Variants in TMEM132C observed in about 807,000 individuals in gnomAD.
TMEM132C encodes the protein protein phosphatase 1, regulatory subunit 152.
In TMEM132C, 29 loss-of-function variants were observed where a neutral mutation model predicts 61.4. The ratio of observed to expected loss-of-function variants is 0.47; its 90% CI spans 0.35 to 0.64. TMEM132C has a LOEUF of 0.64. TMEM132C is among the 30% of genes least tolerant of loss of function. The pLI is 0.00. For synonymous variants in TMEM132C, 656 were observed against 633.1 expected (o/e 1.04, Z -0.54); for missense variants, 1,408 against 1,476.9 (o/e 0.95, Z 0.76).
chr12:128,625,543 C>G lies in TMEM132C; in HGVS notation c.1305+9208C>G, dbSNP rs568285156. 2.0e-5 allele frequency among the ~76,000 whole-genome samples: 3 copies of G among 152,294 alleles called. No individual in the cohort carries two copies. The South Asian group carries it at 6.2e-4, about 32-fold the overall frequency. On this transcript the variant is annotated intron_variant, in intron 4 of 8. Transcript: ENST00000435159. ...TGGTGGAAGGCAAGGAGGAGCAAGTCACATCTTACATGGATGGTGGCAGGC... is the reference window on the plus strand; with the variant it reads ...TGGTGGAAGGCAAGGAGGAGCAAGTGACATCTTACATGGATGGTGGCAGGC...
intron 3 of TMEM132C, among the ~76,000 whole-genome samples, chr12:128,597,661 C>A (rs1447699126): frequency 6.6e-6 from 1 of 152,098 alleles, no homozygotes; most frequent in African/African-American, 2.4e-5. Flanking sequence ...CAACAGTGGC[C>A]AACACAGTTT....
intron 5 of TMEM132C, among the ~76,000 whole-genome samples, chr12:128,674,267 C>T (rs1954562666): frequency 6.6e-6 from 1 of 152,218 alleles, no homozygotes; most frequent in Admixed American, 6.5e-5. Context: ...AGCTCATCTA[C>T]ATGGTAGCAT....
At chr12:128,657,106 C>T (rs1954333363) in intron 4 of TMEM132C, among the ~76,000 whole-genome samples, 1 of 152,118 alleles carries the variant, frequency 6.6e-6, no homozygotes, top group South Asian at 2.1e-4. Context: ...AAAATTGGTT[C>T]TTTCTTTCTG....
At chr12:128,285,120 G>T (rs1484991556) in intron 1 of TMEM132C, among the ~76,000 whole-genome samples, 1 of 152,202 alleles carries the variant, frequency 6.6e-6, no homozygotes, top group Non-Finnish European at 1.5e-5. Context: ...TCCAGCATGG[G>T]AGACAGAACA....
intron 2 of TMEM132C, among the ~76,000 whole-genome samples, chr12:128,461,410 C>T (rs1352886652): frequency 8.1e-6 from 1 of 123,046 alleles, no homozygotes; most frequent in African/African-American, 3.0e-5. Flanking sequence ...TGTAGATCAC[C>T]ACCCCACCCC....
chr12:128,697,801 T>C (rs923921527), intron 8 of TMEM132C, among the ~76,000 whole-genome samples: 5 of 152,206 alleles, frequency 3.3e-5, no homozygotes, highest in African/African-American at 1.2e-4. Flanking sequence ...ACATAGCCCC[T>C]GGCTATATCT....
intron 3 of TMEM132C, among the ~76,000 whole-genome samples, chr12:128,612,037 G>T (rs1456048877): frequency 6.6e-6 from 1 of 152,218 alleles, no homozygotes; most frequent in Admixed American, 6.5e-5. Context: ...TGGAGAAGGG[G>T]TAGGAAAGAA....
At chr12:128,531,538 C>A (rs1873301573) in intron 2 of TMEM132C, among the ~76,000 whole-genome samples, 1 of 152,246 alleles carries the variant, frequency 6.6e-6, no homozygotes, top group African/African-American at 2.4e-5. Context: ...TTCACACATA[C>A]ACACATGCAT....
At chr12:128,646,612 A>C (rs1954201283) in intron 4 of TMEM132C, among the ~76,000 whole-genome samples, 1 of 151,076 alleles carries the variant, frequency 6.6e-6, no homozygotes, top group African/African-American at 2.4e-5. Flanking sequence ...TGTTTACTGG[A>C]GTCCATCAGC....
At chr12:128,460,634 A>C (rs1171882850) in intron 2 of TMEM132C, among the ~76,000 whole-genome samples, 1 of 152,090 alleles carries the variant, frequency 6.6e-6, no homozygotes, top group South Asian at 2.1e-4. Context: ...TTGTCACCAG[A>C]AAAAGGGAGA....
At chr12:128,579,403 G>T (rs906754746) in intron 3 of TMEM132C, among the ~76,000 whole-genome samples, 1 of 152,174 alleles carries the variant, frequency 6.6e-6, no homozygotes, top group Non-Finnish European at 1.5e-5. Flanking sequence ...CTGTCACTTT[G>T]TGAATATGTG....
intron 2 of TMEM132C, among the ~76,000 whole-genome samples, chr12:128,532,358 G>T (rs1479209502): frequency 6.6e-6 from 1 of 151,696 alleles, no homozygotes. Context: ...AAAAAAGGAG[G>T]CCGGGCGCAG....
chr12:128,649,182 C>T (rs532912327), intron 4 of TMEM132C, among the ~76,000 whole-genome samples: 1 of 152,310 alleles, frequency 6.6e-6, no homozygotes, highest in African/African-American at 2.4e-5. Flanking sequence ...GATGGAATTT[C>T]AGGGATTCCA....
At chr12:128,611,334 C>G (rs1298339785) in intron 3 of TMEM132C, among the ~76,000 whole-genome samples, 1 of 152,124 alleles carries the variant, frequency 6.6e-6, no homozygotes, top group Non-Finnish European at 1.5e-5. Context: ...CCTTCCTTCT[C>G]TCCTCTCTTC....
At chr12:128,489,229 A>G (rs1229887401) in intron 2 of TMEM132C, among the ~76,000 whole-genome samples, 1 of 152,084 alleles carries the variant, frequency 6.6e-6, no homozygotes, top group South Asian at 2.1e-4. Flanking sequence ...GTGGAAGGGC[A>G]GGTATTCACA....
intron 3 of TMEM132C, among the ~76,000 whole-genome samples, chr12:128,547,518 C>G (rs35228169): frequency 1.4e-5 from 2 of 147,960 alleles, no homozygotes; most frequent in Non-Finnish European, 1.5e-5. Context: ...GAGCTCAGAT[C>G]GCACCACCAT....
At chr12:128,478,744 A>G (rs1478549122) in intron 2 of TMEM132C, among the ~76,000 whole-genome samples, 2 of 152,172 alleles carry the variant, frequency 1.3e-5, no homozygotes, top group African/African-American at 2.4e-5. Context: ...CTATTTGCAC[A>G]CCAGATAGAT....
chr12:128,360,789 C>G (rs891484820), intron 1 of TMEM132C, among the ~76,000 whole-genome samples: 1 of 152,180 alleles, frequency 6.6e-6, no homozygotes, highest in Admixed American at 6.5e-5. Flanking sequence ...TGATCCCTGT[C>G]CATCCACACC....
chr12:128,372,144 G>C (rs1056085232), intron 1 of TMEM132C, among the ~76,000 whole-genome samples: 1 of 152,182 alleles, frequency 6.6e-6, no homozygotes, highest in Non-Finnish European at 1.5e-5. Context: ...ATGAAGGGAG[G>C]TCCTGTCTGA....
Sources: gnomAD v4.1 joint callset for allele counts (sites outside exome capture counted in the v4.1 genomes callset) on GRCh38, gnomAD v4.1.1 for gene constraint, MANE v1.5 for transcripts, NCBI Gene and HGNC (gene_info 2026-07-23, HGNC 2026-07-21) for gene names.